WDFY3: variants seen among roughly 807,000 people sequenced by gnomAD.
WDFY3 encodes the protein WD repeat and FYVE domain containing 3.
In WDFY3, 66 loss-of-function variants were observed where a neutral mutation model predicts 409.6. That is an observed-to-expected ratio of 0.16 (90% CI 0.13 to 0.20). WDFY3 has a LOEUF of 0.20. Ranked by LOEUF, WDFY3 falls within the 10% of genes least tolerant of loss-of-function variation. The pLI is 1.00. For missense variants in WDFY3, 3,031 were observed against 4,298.1 expected, an observed-to-expected ratio of 0.71 and a Z score of 8.24; for synonymous variants, 1,521 against 1,537.1, an observed-to-expected ratio of 0.99 and a Z score of 0.25.
intron 2 of WDFY3, among the ~76,000 whole-genome samples, chr4:84,917,903 T>C (rs922427648): frequency 2.6e-5 from 4 of 152,040 alleles, no homozygotes; most frequent in African/African-American, 9.7e-5. Flanking sequence ...AAAGAAGATA[T>C]AGACAGACAT....
intron 25 of WDFY3, 108 bp downstream of exon 25, chr4:84,782,855 C>G: frequency 1.2e-6 from 1 of 865,200 alleles, no homozygotes; most frequent in East Asian, 2.4e-5. Flanking sequence ...CACTATAGGT[C>G]AGTGCTATTA....
At chr4:84,892,544 A>C (rs1440477700) in intron 3 of WDFY3, among the ~76,000 whole-genome samples, 1 of 152,176 alleles carries the variant, frequency 6.6e-6, no homozygotes, top group Non-Finnish European at 1.5e-5. Context: ...GTTCAAAATA[A>C]AGACCACTTA....
rs192078578 is a variant in WDFY3, at chr4:84,800,878, G to A, written c.2822+772C>T. The stretch of plus-strand genomic sequence containing the variant: ...ATTTGACAGGAGGCAGAGCACAGGC[G>A]GAAATGCTGGCTCACCCACAGCTTA... On this transcript the variant is annotated intron_variant, in intron 17 of 67. Transcript: ENST00000295888. 9.9e-5 allele frequency among the ~76,000 whole-genome samples: 15 copies of A among 152,202 alleles called. 1 individual carries two copies. The highest frequency in any genetic ancestry group is 9.8e-4 in the Admixed American group (15 of 15,290).
At chr4:84,836,192 A>G (rs893977383) in intron 7 of WDFY3, among the ~76,000 whole-genome samples, 1 of 152,218 alleles carries the variant, frequency 6.6e-6, no homozygotes, top group African/African-American at 2.4e-5. Flanking sequence ...AGCCACCAGT[A>G]TTCTACTTTC....
At chr4:84,764,864 CAAAA>C (rs554582388) in intron 32 of WDFY3, among the ~76,000 whole-genome samples, 1 of 72,118 alleles carries the variant, frequency 1.4e-5, no homozygotes, top group Non-Finnish European at 2.9e-5. Flanking sequence ...GACTCCGACT[CAAAA>C]AAAAAAAAAA....
chr4:84,943,197 T>G (rs2151049067), intron 1 of WDFY3, among the ~76,000 whole-genome samples: 1 of 152,304 alleles, frequency 6.6e-6, no homozygotes, highest in Middle Eastern at 3.4e-3. Context: ...TTTAACTAAC[T>G]TTCCTGTAAG....
chr4:84,696,102 A>G lies in WDFY3; in HGVS notation c.8769T>C (p.Ala2923=), dbSNP rs1188909859. Residue 2923 remains alanine, a synonymous_variant, in exon 58 of 68, where the codon GCT becomes GCC. Transcript: ENST00000295888. ...LIFGYKQQGP[A]AVEAVNVFHH... ...GGAAGACATTTACAGCTTCTACTGC[A>G]GCAGGGCCTTGCTGTTTATAACCGA... 1.9e-6 allele frequency: 3 copies of G among 1,614,050 alleles called. No homozygotes were observed. The highest frequency in any genetic ancestry group is 2.5e-6 in the Non-Finnish European group (3 of 1,180,040).
chr4:84,681,335 T>G (rs1437301483), intron 64 of WDFY3, among the ~76,000 whole-genome samples: 1 of 152,222 alleles, frequency 6.6e-6, no homozygotes, highest in East Asian at 1.9e-4. Flanking sequence ...CACTTTTCAT[T>G]GGTTCCCTTA....
In WDFY3 at chr4:84,803,352, G is replaced by GATGA; in HGVS notation, c.2541_2544dup (p.Pro849SerfsTer50). ...TCCAGCATGGCAAGCATGGCTCCAG[G>GATGA]ATGAATGATGACTGCATCAGAACTC... On this transcript the variant is annotated frameshift_variant, in exon 16 of 68. Coordinates refer to ENST00000295888, the MANE Select transcript of WDFY3 (RefSeq NM_014991.6). LOFTEE classifies it high-confidence loss of function. The GATGA allele has an allele frequency of 6.2e-7, 1 of 1,614,066 alleles. No individual in the cohort carries two copies. The highest frequency in any genetic ancestry group is 1.3e-5 in the African/African-American group (1 of 75,024).
chr4:84,776,348 G>C (rs1745544699), intron 27 of WDFY3, among the ~76,000 whole-genome samples: 1 of 151,928 alleles, frequency 6.6e-6, no homozygotes, highest in Non-Finnish European at 1.5e-5. Context: ...TGGTAAATTA[G>C]GTATTTATAG....
Position 84,672,231 on chromosome 4 carries a change from A to G in WDFY3, c.*637T>C, listed in dbSNP as rs530396867. The G allele has an allele frequency of 6.6e-6, 1 of 152,326 alleles. No individual in the cohort carries two copies. Among genetic ancestry groups the G allele is most frequent in the African/African-American group, 2.4e-5 (1 of 41,552 alleles). 9.4% of individuals were successfully genotyped at this position (152,326 alleles called of 1,614,324 possible). On this transcript the variant is annotated 3_prime_UTR_variant, in exon 68 of 68. Coordinates refer to ENST00000295888, the MANE Select transcript of WDFY3 (RefSeq NM_014991.6). ...GTGGAGATACTGTGGGCAACTTGAA[A>G]GAAATGACATCAGGCACACAGGCTG... is the stretch of plus-strand genomic sequence containing the variant.
chr4:84,808,163 A>T (rs890690160), intron 15 of WDFY3, among the ~76,000 whole-genome samples, 171 bp downstream of exon 15: 7 of 152,062 alleles, frequency 4.6e-5, no homozygotes, highest in African/African-American at 1.7e-4. Flanking sequence ...TGAAAAACTG[A>T]TATCTTTAAA....
chr4:84,679,841 T>TATATATATATATATACACAC (rs1235574031), intron 64 of WDFY3, among the ~76,000 whole-genome samples: 5 of 141,314 alleles, frequency 3.5e-5, no homozygotes, highest in African/African-American at 1.3e-4. Flanking sequence ...TATATATATA[T>TATATATATATATATACACAC]ACACACACAC....
Position 84,774,913 on chromosome 4 carries a change from C to G in WDFY3, c.4661G>C (p.Arg1554Pro). The part of the protein sequence containing the change: ...QLIPKLLLTL[R>P]DMSLSQPTIA... ...AGTAGGCTGGGATAAAGACATATCT[C>G]GAAGAGTCAGGAGCAGCTTTGGGAT... Residue 1554 changes from arginine (R) to proline (P), a missense_variant, in exon 29 of 68, where the codon CGA becomes CCA. By Grantham distance (103) the Arg-to-Pro change is moderately radical. Transcript: ENST00000295888. 6.2e-7 allele frequency: 1 copy of G among 1,613,874 alleles called. No individual in the cohort carries two copies. Among genetic ancestry groups the G allele is most frequent in the Non-Finnish European group, 8.5e-7 (1 of 1,179,886 alleles).
At chr4:84,687,486 T>A (rs1728527980) in intron 62 of WDFY3, among the ~76,000 whole-genome samples, 1 of 152,118 alleles carries the variant, frequency 6.6e-6, no homozygotes. Flanking sequence ...TCCTGTTTTT[T>A]AAAAAAACAT....
At chr4:84,866,412 C>T (rs1044599528) in intron 3 of WDFY3, among the ~76,000 whole-genome samples, 1 of 152,180 alleles carries the variant, frequency 6.6e-6, no homozygotes, top group East Asian at 1.9e-4. Flanking sequence ...CTTCCAAAAG[C>T]TAAACCAAAA....
chr4:84,883,234 T>C (rs1763777154), intron 3 of WDFY3, among the ~76,000 whole-genome samples: 1 of 152,222 alleles, frequency 6.6e-6, no homozygotes, highest in Admixed American at 6.5e-5. Flanking sequence ...TGATCACATG[T>C]AGCCTATTTT....
intron 40 of WDFY3, among the ~76,000 whole-genome samples, chr4:84,737,806 C>T (rs1038993626): frequency 9.2e-5 from 14 of 152,064 alleles, no homozygotes; most frequent in African/African-American, 3.4e-4. Context: ...GCTTTGGATT[C>T]CTTGTTTGTA....
At chr4:84,698,687 TTTTC>T (rs929714097) in intron 56 of WDFY3, among the ~76,000 whole-genome samples, 4 of 151,716 alleles carry the variant, frequency 2.6e-5, no homozygotes, top group Non-Finnish European at 5.9e-5. Flanking sequence ...TCCAAGTGCT[TTTTC>T]TTTCTTTCTT....
Sources: allele counts gnomAD v4.1 joint callset (sites outside exome capture counted in the v4.1 genomes callset), GRCh38; gene constraint gnomAD v4.1.1; transcripts MANE v1.5; gene names NCBI Gene and HGNC (gene_info 2026-07-23, HGNC 2026-07-21).